Variants in LAPTM5 observed in about 807,000 individuals in gnomAD.
LAPTM5 encodes the protein lysosomal-associated transmembrane protein 5.
A neutral mutation model predicts 30.1 loss-of-function variants in LAPTM5; 11 were observed. The ratio of observed to expected loss-of-function variants is 0.37; its 90% CI spans 0.23 to 0.60. The LOEUF (loss-of-function observed/expected upper bound fraction) is 0.60. LAPTM5 is among the 20% of genes least tolerant of loss of function. LAPTM5 has a pLI of 0.71. For synonymous variants in LAPTM5, 151 were observed against 137.9 expected (o/e 1.10, Z -0.67); for missense variants, 324 against 332.5 (o/e 0.97, Z 0.20).
At chr1:30,741,959 A>T in intron 2 of LAPTM5, 1 of 405,588 alleles carries the variant, frequency 2.5e-6, no homozygotes, top group Non-Finnish European at 4.5e-6. Context: ...GGTCCACTTC[A>T]GCCAGGGTGA....
Position 30,737,345 on chromosome 1 carries a change from A to G in LAPTM5, c.606+259T>C, listed in dbSNP as rs111952312. On this transcript the variant is annotated intron_variant, in intron 6 of 7. Coordinates refer to ENST00000294507, the MANE Select transcript of LAPTM5 (RefSeq NM_006762.3). ...TGGATTCAAACGCAGGCCAGTCCAA[A>G]TCTAATTCCAGACAGCTGGAATTAG... Among the ~76,000 whole-genome samples the G allele has an allele frequency of 9.5e-4, 145 of 152,268 alleles. 1 individual carries two copies. The highest frequency in any genetic ancestry group is 6.8e-3 in the Middle Eastern group (2 of 294).
intron 7 of LAPTM5, 58 bp downstream of exon 7, chr1:30,735,115 A>G (rs1174510603): frequency 1.6e-6 from 2 of 1,246,064 alleles, no homozygotes; most frequent in East Asian, 2.3e-5. Flanking sequence ...AGGAAACTTG[A>G]CCCAAATGGC....
rs1350113042 is a variant in LAPTM5, at chr1:30,738,992, C to G, written c.458G>C (p.Ser153Thr). The G allele has an allele frequency of 6.2e-7, 1 of 1,608,272 alleles. No homozygotes were observed. The highest frequency in any genetic ancestry group is 8.5e-7 in the Non-Finnish European group (1 of 1,177,680). ...ATAGGTGGGCACTTCCATGTAGGAG[C>G]TGCAGAGGGTCAGGATGCTCAGGCA... ...DFCLSILTLC[S>T]SYMEVPTYLN... Residue 153 changes from serine (S) to threonine (T), a missense_variant, in exon 5 of 8, where the codon AGC becomes ACC. Transcript: ENST00000294507.
intron 2 of LAPTM5, chr1:30,742,007 A>T: frequency 2.7e-6 from 1 of 371,482 alleles, no homozygotes; most frequent in Non-Finnish European, 5.0e-6. Flanking sequence ...GCCTGAGAGC[A>T]ATGAGGAATC....
intron 1 of LAPTM5, among the ~76,000 whole-genome samples, chr1:30,748,455 C>T (rs970343833): frequency 6.6e-6 from 1 of 152,194 alleles, no homozygotes; most frequent in Non-Finnish European, 1.5e-5. Flanking sequence ...CTCCCTGAAG[C>T]TCAGTCCCCT....
chr1:30,756,401 C>T (rs1474082906), intron 1 of LAPTM5, among the ~76,000 whole-genome samples: 4 of 152,212 alleles, frequency 2.6e-5, no homozygotes, highest in East Asian at 3.8e-4. Context: ...CTCACCTGTG[C>T]GTCAGGCGTG....
chr1:30,750,850 G>A (rs951622090), intron 1 of LAPTM5, among the ~76,000 whole-genome samples: 1 of 152,238 alleles, frequency 6.6e-6, no homozygotes, highest in Admixed American at 6.5e-5. Flanking sequence ...CTTGACCAGG[G>A]AGGAAATTGA....
At chr1:30,743,722 G>T (rs1258925924) in intron 1 of LAPTM5, among the ~76,000 whole-genome samples, 2 of 150,826 alleles carry the variant, frequency 1.3e-5, no homozygotes, top group East Asian at 3.9e-4. Context: ...AGGCAGCCCT[G>T]CACTGGTAAC....
chr1:30,741,719 G>A lies in LAPTM5; in HGVS notation c.182-3C>T. On this transcript the variant is annotated splice_region_variant and splice_polypyrimidine_tract_variant and intron_variant, in intron 2 of 7. Coordinates refer to ENST00000294507, the MANE Select transcript of LAPTM5 (RefSeq NM_006762.3). ...CAGGAAGCTGGAGATCAGGTCAGCT[G>A]AAAGGCAAGGAGAGCAGGGAGGTGC... The A allele has an allele frequency of 6.2e-7, 1 of 1,602,594 alleles. No homozygotes were observed. The highest frequency in any genetic ancestry group is 8.5e-7 in the Non-Finnish European group (1 of 1,174,288).
intron 1 of LAPTM5, among the ~76,000 whole-genome samples, chr1:30,750,127 G>A (rs1293405627): frequency 6.6e-6 from 1 of 152,200 alleles, no homozygotes; most frequent in Non-Finnish European, 1.5e-5. Flanking sequence ...CAGCAGCAGA[G>A]ATATTCTGGC....
At chr1:30,742,317 A>G (rs563014133) in intron 2 of LAPTM5, 139 bp downstream of exon 2, 15 of 631,872 alleles carry the variant, frequency 2.4e-5, no homozygotes, top group African/African-American at 2.2e-4. Context: ...TGAGGCCCCA[A>G]GAAAGGAAGA....
intron 1 of LAPTM5, among the ~76,000 whole-genome samples, chr1:30,751,828 C>A (rs1053526627): frequency 6.6e-6 from 1 of 152,198 alleles, no homozygotes; most frequent in African/African-American, 2.4e-5. Context: ...TCGCTAGGGT[C>A]TCCTCCAAAT....
intron 6 of LAPTM5, among the ~76,000 whole-genome samples, chr1:30,736,231 G>T (rs377022962): frequency 2.0e-5 from 3 of 152,064 alleles, no homozygotes; most frequent in Admixed American, 1.3e-4. Context: ...AAGGGGCAAG[G>T]TTCTGTTTCT....
At chr1:30,757,376 G>C (rs1640226566) in intron 1 of LAPTM5, among the ~76,000 whole-genome samples, 1 of 152,344 alleles carries the variant, frequency 6.6e-6, no homozygotes, top group Admixed American at 6.5e-5. Flanking sequence ...CACAGAGGCA[G>C]AAACGGAGCC....
Position 30,733,680 on chromosome 1 carries a change from G to A in LAPTM5, c.*148C>T. ...GAGCAGCTCACAGGCCCTGCAGGAG[G>A]AGCAGGCCAGCGAGGGAGACACAAG... On this transcript the variant is annotated 3_prime_UTR_variant, in exon 8 of 8. Transcript: ENST00000294507. 6.5e-7 allele frequency: 1 copy of A among 1,534,212 alleles called. No homozygotes were observed. The highest frequency in any genetic ancestry group is 1.2e-5 in the South Asian group (1 of 83,288).
intron 1 of LAPTM5, among the ~76,000 whole-genome samples, chr1:30,747,842 C>T (rs1265750544): frequency 3.3e-5 from 5 of 151,878 alleles, no homozygotes; most frequent in East Asian, 1.9e-4. Flanking sequence ...CCATGTGAGG[C>T]GGGGAGTGGC....
intron 1 of LAPTM5, among the ~76,000 whole-genome samples, chr1:30,751,984 C>G (rs567749480): frequency 6.6e-6 from 1 of 152,164 alleles, no homozygotes; most frequent in Non-Finnish European, 1.5e-5. Flanking sequence ...AATCACTGCC[C>G]CCAAAGTGGA....
chr1:30,741,664 C>A lies in LAPTM5; in HGVS notation c.234G>T (p.Leu78=). The change falls in exon 3 of 8, where the codon CTG becomes CTT. Residue 78 remains leucine, a synonymous_variant. Transcript: ENST00000294507. The stretch of plus-strand genomic sequence containing the variant: ...CCTTGACTACGCCGATCAGTAGGCT[C>A]AGGCTGATGATGAAGAGCATGGTGA... ...LLITMLFIIS[L]SLLIGVVKNR... 6.2e-7 allele frequency: 1 copy of A among 1,607,354 alleles called. No homozygotes were observed.
intron 6 of LAPTM5, among the ~76,000 whole-genome samples, chr1:30,735,600 A>G (rs1235163872): frequency 2.0e-5 from 3 of 152,222 alleles, no homozygotes; most frequent in Non-Finnish European, 2.9e-5. Context: ...AGCCCTGCCC[A>G]TCTCGAAACA....
Sources: gnomAD v4.1 joint callset for allele counts (sites outside exome capture counted in the v4.1 genomes callset) on GRCh38, gnomAD v4.1.1 for gene constraint, MANE v1.5 for transcripts, NCBI Gene and HGNC (gene_info 2026-07-23, HGNC 2026-07-21) for gene names.